CDH13: variants seen among roughly 807,000 people sequenced by gnomAD.
The protein encoded by CDH13 is cadherin-13.
Under a neutral mutation model 63.8 loss-of-function variants are expected in CDH13, and 24 were observed. The observed-to-expected ratio is 0.38, with a 90% CI of 0.27 to 0.53. The LOEUF (loss-of-function observed/expected upper bound fraction) is 0.53. Among genes scored for constraint, CDH13 ranks in the 20% least tolerant of loss-of-function variants. CDH13 has a pLI of 0.85. For synonymous variants in CDH13, 503 were observed against 355.3 expected (o/e 1.42, Z -4.67); for missense variants, 1,049 against 903.1 (o/e 1.16, Z -2.07).
At chr16:83,116,541 G>A (rs978088632) in intron 3 of CDH13, among the ~76,000 whole-genome samples, 1 of 152,194 alleles carries the variant, frequency 6.6e-6, no homozygotes. Flanking sequence ...GAAGTTCATG[G>A]AAATATTGTG....
chr16:82,877,307 T>C (rs192351028), intron 2 of CDH13, among the ~76,000 whole-genome samples: 2 of 152,350 alleles, frequency 1.3e-5, no homozygotes, highest in Non-Finnish European at 2.9e-5. Flanking sequence ...AGGAGACTGT[T>C]GTCCCAGATA....
chr16:83,520,141 C>T (rs923178745), intron 7 of CDH13, among the ~76,000 whole-genome samples: 4 of 151,986 alleles, frequency 2.6e-5, no homozygotes, highest in Non-Finnish European at 5.9e-5. Flanking sequence ...TAGCCCCAGT[C>T]TTGAAACAAT....
At chr16:83,210,244 C>T (rs2039302572) in intron 4 of CDH13, among the ~76,000 whole-genome samples, 1 of 151,814 alleles carries the variant, frequency 6.6e-6, no homozygotes, top group African/African-American at 2.4e-5. Context: ...TTTGTATTTT[C>T]AGTAGAGACG....
chr16:83,115,392 A>C (rs2035244752), intron 3 of CDH13, among the ~76,000 whole-genome samples: 1 of 152,234 alleles, frequency 6.6e-6, no homozygotes, highest in Admixed American at 6.5e-5. Flanking sequence ...GACTTGGTGA[A>C]TCCAGGACTA....
rs1906561069 is a variant in CDH13, at chr16:83,589,824, T to C, written c.961-12630T>C. Among the ~76,000 whole-genome samples, 4 of 152,060 alleles carry C rather than the reference T, an allele frequency of 2.6e-5. No homozygotes were observed. The South Asian group carries it at 8.3e-4, about 32-fold the overall frequency. ...CTAATGCAGGGAAGGCAGGAGTGAC[T>C]CTGGGAAGACAAACCTTCATGATGG... On this transcript the variant is annotated intron_variant, in intron 7 of 13. Coordinates refer to ENST00000567109, the MANE Select transcript of CDH13 (RefSeq NM_001257.5).
chr16:82,753,103 C>T (rs2034481596), intron 1 of CDH13, among the ~76,000 whole-genome samples: 1 of 152,118 alleles, frequency 6.6e-6, no homozygotes, highest in African/African-American at 2.4e-5. Context: ...TCAAAAGTGA[C>T]CTCTTACAAA....
chr16:82,663,504 A>AGTCCCCT (rs202124369), intron 1 of CDH13, among the ~76,000 whole-genome samples: 2 of 152,096 alleles, frequency 1.3e-5, no homozygotes, highest in Non-Finnish European at 1.5e-5. Flanking sequence ...CATTTTACAC[A>AGTCCCCT]GTCCCCTGTA....
chr16:82,824,765 A>T lies in CDH13; in HGVS notation c.46-33597A>T, dbSNP rs544586700. ...CTGGATGAATTAAAAAACATAAGAGATGTATCAATCATAATCTTTGGTTCT... is the reference window on the plus strand; with the variant it reads ...CTGGATGAATTAAAAAACATAAGAGTTGTATCAATCATAATCTTTGGTTCT... On this transcript the variant is annotated intron_variant, in intron 1 of 13. Transcript: ENST00000567109. 2.6e-4 allele frequency: 39 copies of T among 152,338 alleles called. 2 individuals carry two copies. The highest frequency in any genetic ancestry group is 7.5e-4 in the African/African-American group (31 of 41,580). The allele number at this position is 152,338 out of a possible 1,614,324, so 9.4% of individuals were successfully genotyped here. A position where few individuals can be genotyped will look rare whatever the true frequency, so the allele number is the denominator to read the frequency against.
intron 6 of CDH13, among the ~76,000 whole-genome samples, chr16:83,425,470 C>T (rs914555496): frequency 3.3e-5 from 5 of 152,264 alleles, no homozygotes; most frequent in African/African-American, 1.2e-4. Context: ...AAGCTCCCTG[C>T]ACTCAGGAGG....
intron 7 of CDH13, among the ~76,000 whole-genome samples, chr16:83,498,585 A>G (rs939925053): frequency 2.0e-5 from 3 of 152,186 alleles, no homozygotes; most frequent in Non-Finnish European, 4.4e-5. Flanking sequence ...CTTTGATAGG[A>G]ATCTAATGAG....
At chr16:83,227,384 C>T (rs947392736) in intron 5 of CDH13, among the ~76,000 whole-genome samples, 1 of 152,120 alleles carries the variant, frequency 6.6e-6, no homozygotes, top group Non-Finnish European at 1.5e-5. Context: ...ATCAGGGGGC[C>T]CTTGTGAAGC....
intron 10 of CDH13, among the ~76,000 whole-genome samples, chr16:83,720,268 C>G (rs1405582477): frequency 6.6e-6 from 1 of 152,030 alleles, no homozygotes; most frequent in East Asian, 1.9e-4. Flanking sequence ...ACACCACTCC[C>G]ACATCTGCAC....
intron 5 of CDH13, among the ~76,000 whole-genome samples, chr16:83,236,659 C>T (rs1201609151): frequency 1.3e-5 from 2 of 152,044 alleles, no homozygotes; most frequent in Non-Finnish European, 2.9e-5. Flanking sequence ...GTTCTTCCCA[C>T]TTCTGCTTGT....
chr16:83,565,403 G>GTTTC (rs1904274752), intron 7 of CDH13, among the ~76,000 whole-genome samples: 1 of 41,534 alleles, frequency 2.4e-5, no homozygotes, highest in African/African-American at 9.5e-5. Context: ...TTTTTTCTTA[G>GTTTC]TTGCAGAGTT....
intron 8 of CDH13, among the ~76,000 whole-genome samples, chr16:83,612,434 G>A (rs117383448): frequency 1.3e-5 from 2 of 151,804 alleles, no homozygotes; most frequent in East Asian, 1.9e-4. Flanking sequence ...AGTGGTGTAT[G>A]TATGGGCTTT....
At chr16:82,761,017 C>CTTTCTTTTTTTTTTTTTTTTTTTTTTTTT (rs2034820362) in intron 1 of CDH13, among the ~76,000 whole-genome samples, 1 of 40,486 alleles carries the variant, frequency 2.5e-5, no homozygotes, top group African/African-American at 8.9e-5. Context: ...TTCTTTCTTT[C>CTTTCTTTTTTTTTTTTTTTTTTTTTTTTT]TTTTTTTTTT....
At chr16:83,360,858 A>T (rs780450485) in intron 6 of CDH13, among the ~76,000 whole-genome samples, 1 of 152,300 alleles carries the variant, frequency 6.6e-6, no homozygotes, top group South Asian at 2.1e-4. Context: ...TTCACCATTC[A>T]TGAGTACCTA....
chr16:82,886,893 C>G (rs2151214970), intron 2 of CDH13, among the ~76,000 whole-genome samples: 1 of 152,274 alleles, frequency 6.6e-6, no homozygotes, highest in African/African-American at 2.4e-5. Context: ...CATATTCACT[C>G]TGCTCATTGA....
At chr16:83,430,144 A>G (rs960333916) in intron 6 of CDH13, among the ~76,000 whole-genome samples, 4 of 152,234 alleles carry the variant, frequency 2.6e-5, no homozygotes, top group East Asian at 1.9e-4. Context: ...AATTGATATC[A>G]GGATCTTGAG....
Sources: gnomAD v4.1 joint callset for allele counts (sites outside exome capture counted in the v4.1 genomes callset) on GRCh38, gnomAD v4.1.1 for gene constraint, MANE v1.5 for transcripts, NCBI Gene and HGNC (gene_info 2026-07-23, HGNC 2026-07-21) for gene names.